RBMS3: variants seen among roughly 807,000 people sequenced by gnomAD.
RBMS3 encodes RNA-binding motif, single-stranded-interacting protein 3.
Under a neutral mutation model 66.8 loss-of-function variants are expected in RBMS3, and 27 were observed. The observed-to-expected ratio is 0.40, with a 90% CI of 0.30 to 0.56. RBMS3 has a LOEUF of 0.56. Among genes scored for constraint, RBMS3 ranks in the 20% least tolerant of loss-of-function variants. The probability of loss-of-function intolerance (pLI) is 0.40; values close to 1 mark genes in which losing one functional copy is unlikely to be tolerated. For synonymous variants in RBMS3, 188 were observed against 183.0 expected, an observed-to-expected ratio of 1.03 and a Z score of -0.22; for missense variants, 513 against 549.5, an observed-to-expected ratio of 0.93 and a Z score of 0.66.
intron 1 of RBMS3, among the ~76,000 whole-genome samples, chr3:29,377,125 C>A (rs1205912349): frequency 6.6e-6 from 1 of 151,776 alleles, no homozygotes. Flanking sequence ...AAAGAAAAGG[C>A]ACAATATGTA....
chr3:29,775,478 G>T (rs868512988), intron 6 of RBMS3, among the ~76,000 whole-genome samples: 1 of 151,962 alleles, frequency 6.6e-6, no homozygotes, highest in Non-Finnish European at 1.5e-5. Context: ...TGTGGGAATG[G>T]AATTATGTGA....
At chr3:29,329,209 G>A (rs1394134342) in intron 1 of RBMS3, among the ~76,000 whole-genome samples, 1 of 151,996 alleles carries the variant, frequency 6.6e-6, no homozygotes, top group Non-Finnish European at 1.5e-5. Context: ...GTGGGGCAGG[G>A]GGTTTGTAAG....
chr3:29,364,551 T>C (rs1254221128), intron 1 of RBMS3, among the ~76,000 whole-genome samples: 17 of 152,198 alleles, frequency 1.1e-4, no homozygotes, highest in Non-Finnish European at 1.5e-5. Context: ...GAGGAATATA[T>C]ATGAAGGTAA....
chr3:29,410,360 T>C (rs2040209994), intron 1 of RBMS3, among the ~76,000 whole-genome samples: 1 of 152,222 alleles, frequency 6.6e-6, no homozygotes, highest in South Asian at 2.1e-4. Flanking sequence ...TAAGGTTTCT[T>C]TTAGCTTCTC....
At chr3:29,327,437 C>T (rs918052404) in intron 1 of RBMS3, among the ~76,000 whole-genome samples, 11 of 152,082 alleles carry the variant, frequency 7.2e-5, no homozygotes, top group African/African-American at 1.2e-4. Flanking sequence ...AAAAAATGCC[C>T]GCAAATTTGG....
intron 2 of RBMS3, among the ~76,000 whole-genome samples, chr3:29,481,768 G>T (rs142721387): frequency 6.6e-6 from 1 of 152,154 alleles, no homozygotes; most frequent in Non-Finnish European, 1.5e-5. Context: ...AGCATTGAAC[G>T]GGGACATACT....
intron 7 of RBMS3, among the ~76,000 whole-genome samples, chr3:29,878,806 C>G (rs1399629143): frequency 6.6e-6 from 1 of 151,994 alleles, no homozygotes; most frequent in Non-Finnish European, 1.5e-5. Context: ...CTTTGGGAGG[C>G]AAAAGCAGGA....
At chr3:29,484,469 G>T (rs1157270690) in intron 2 of RBMS3, among the ~76,000 whole-genome samples, 5 of 152,180 alleles carry the variant, frequency 3.3e-5, no homozygotes, top group African/African-American at 1.2e-4. Context: ...TTGGATTCGG[G>T]CCTATCGTAT....
At chr3:29,415,245 A>G (rs192472037) in intron 1 of RBMS3, among the ~76,000 whole-genome samples, 1 of 152,340 alleles carries the variant, frequency 6.6e-6, no homozygotes. Context: ...CAATTTGGAA[A>G]TTAAATCTTT....
intron 4 of RBMS3, among the ~76,000 whole-genome samples, chr3:29,733,175 A>T (rs1310204877): frequency 2.0e-5 from 3 of 152,016 alleles, no homozygotes; most frequent in African/African-American, 7.2e-5. Context: ...TGCTTGCTTT[A>T]GAGTTGTTTC....
chr3:29,431,025 A>C (rs1318431412), intron 1 of RBMS3, among the ~76,000 whole-genome samples: 4 of 152,224 alleles, frequency 2.6e-5, no homozygotes, highest in Non-Finnish European at 5.9e-5. Context: ...GTAGAGCTTA[A>C]GTTTTGTGAG....
chr3:29,370,457 T>C (rs1225451439), intron 1 of RBMS3, among the ~76,000 whole-genome samples: 1 of 152,234 alleles, frequency 6.6e-6, no homozygotes, highest in African/African-American at 2.4e-5. Context: ...TTTAGTTCTT[T>C]TTAGACTCAA....
At chr3:29,758,850 G>C (rs1050250070) in intron 5 of RBMS3, among the ~76,000 whole-genome samples, 1 of 152,090 alleles carries the variant, frequency 6.6e-6, no homozygotes, top group Non-Finnish European at 1.5e-5. Context: ...CCAGAAATGA[G>C]GATGACTGGC....
intron 10 of RBMS3, 78 bp from the exon 11 acceptor site, chr3:29,936,008 C>CACTGTA: frequency 1.7e-6 from 2 of 1,176,704 alleles, no homozygotes; most frequent in Non-Finnish European, 2.4e-6. Flanking sequence ...CACACATTTA[C>CACTGTA]AATTTACAGT....
At chr3:29,705,396 T>C (rs530419587) in intron 4 of RBMS3, among the ~76,000 whole-genome samples, 1 of 152,210 alleles carries the variant, frequency 6.6e-6, no homozygotes, top group African/African-American at 2.4e-5. Flanking sequence ...ATATAAAGAA[T>C]CACATGTTAT....
chr3:29,829,089 G>A (rs920578569), intron 6 of RBMS3, among the ~76,000 whole-genome samples: 1 of 150,256 alleles, frequency 6.7e-6, no homozygotes, highest in Admixed American at 6.7e-5. Flanking sequence ...CTGTCACCCA[G>A]GCTGGAGTAT....
At chr3:29,944,498 C>G (rs948011161) in intron 12 of RBMS3, among the ~76,000 whole-genome samples, 15 of 151,778 alleles carry the variant, frequency 9.9e-5, no homozygotes, top group African/African-American at 3.6e-4. Context: ...ACCATTTTAT[C>G]TGTCAAGGAT....
chr3:29,734,688 T>C (rs1263236789), intron 4 of RBMS3, among the ~76,000 whole-genome samples: 4 of 152,140 alleles, frequency 2.6e-5, no homozygotes, highest in African/African-American at 9.6e-5. Flanking sequence ...TGTTACTTGA[T>C]ACCTATCCAC....
rs549559792 is a variant in RBMS3, at chr3:29,523,393, T to TC, written c.307+34894_307+34895insC. Among the ~76,000 whole-genome samples the TC allele has an allele frequency of 3.8e-3, 572 of 152,328 alleles. 1 individual carries two copies. Among genetic ancestry groups the TC allele is most frequent in the Admixed American group, 7.3e-3 (111 of 15,290 alleles). ...GTGTTTTCCAAACTGTTCTTTTTTT[T>TC]TGTTTTTAATGTTTCAAAAATCCTA... is the stretch of plus-strand genomic sequence containing the variant. On this transcript the variant is annotated intron_variant, in intron 3 of 14. Transcript: ENST00000383767.
Sources: allele counts gnomAD v4.1 joint callset (sites outside exome capture counted in the v4.1 genomes callset), GRCh38; gene constraint gnomAD v4.1.1; transcripts MANE v1.5; gene names NCBI Gene and HGNC (gene_info 2026-07-23, HGNC 2026-07-21).